DMXL2: variants seen among roughly 807,000 people sequenced by gnomAD.
The protein encoded by DMXL2 is dmX-like protein 2.
Under a neutral mutation model 331.1 loss-of-function variants are expected in DMXL2, and 103 were observed. The ratio of observed to expected loss-of-function variants is 0.31; its 90% confidence interval spans 0.27 to 0.37. The LOEUF (loss-of-function observed/expected upper bound fraction) is 0.37. Ranked by LOEUF, DMXL2 falls within the 10% of genes least tolerant of loss-of-function variation. The pLI, the probability that DMXL2 is intolerant of heterozygous loss-of-function variation, is 1.00. For missense variants in DMXL2, 3,171 were observed against 3,642.9 expected (o/e 0.87, Z 3.33); for synonymous variants, 1,281 against 1,252.1 (o/e 1.02, Z -0.49).
At chr15:51,526,565 G>C (rs1596127499) in intron 13 of DMXL2, among the ~76,000 whole-genome samples, 1 of 152,300 alleles carries the variant, frequency 6.6e-6, no homozygotes, top group South Asian at 2.1e-4. Context: ...TAAGGTACCA[G>C]AGACCAATCC....
rs1037379107 is a variant in DMXL2 at position 51,598,539 on chromosome 15, G to C, written c.88-22358C>G. ...AATTCCAGATTAAGTGTTTAGCTAT[G>C]TCTTTTTAGACTCCTTTAATCTGGA... On this transcript the variant is annotated intron_variant, in intron 1 of 43. Coordinates refer to ENST00000560891, the MANE Select transcript of DMXL2 (RefSeq NM_001378457.1). 3.3e-5 allele frequency among the ~76,000 whole-genome samples: 5 copies of C among 152,144 alleles called. No homozygotes were observed. In the East Asian group the frequency reaches 9.6e-4, roughly 29 times the overall value.
chr15:51,481,545 T>C lies in DMXL2; in HGVS notation c.5561A>G (p.Asn1854Ser). 6.2e-7 allele frequency: 1 copy of C among 1,611,026 alleles called. No individual in the cohort carries two copies. Among genetic ancestry groups the C allele is most frequent in the Non-Finnish European group, 8.5e-7 (1 of 1,179,240 alleles). The change falls in exon 24 of 44, where the codon AAT becomes AGT. Residue 1854 changes from asparagine to serine, a missense_variant. Physicochemically the swap from Asn to Ser is conservative, Grantham distance 46. Coordinates refer to ENST00000560891, the MANE Select transcript of DMXL2 (RefSeq NM_001378457.1). ...CAAAGTTCCTTCAGGGGAGGCAAGA[T>C]TTCTTCGAATGAGCAAAGGATGAGT... ...LRTHPLLIRR[N>S]LASPEGTLAT... is the part of the protein sequence containing the mutation.
chr15:51,516,947 G>A, intron 14 of DMXL2, 131 bp downstream of exon 14: 1 of 720,354 alleles, frequency 1.4e-6, no homozygotes, highest in East Asian at 2.5e-5. Context: ...TTTCACTATG[G>A]GAATCAACAT....
chr15:51,529,387 C>A (rs2047872077), intron 13 of DMXL2, among the ~76,000 whole-genome samples: 1 of 151,666 alleles, frequency 6.6e-6, no homozygotes, highest in Non-Finnish European at 1.5e-5. Context: ...AAAGAAAAGA[C>A]CCAAATAAAT....
chr15:51,518,962 A>G (rs1335594426), intron 13 of DMXL2, among the ~76,000 whole-genome samples: 1 of 152,204 alleles, frequency 6.6e-6, no homozygotes, highest in Non-Finnish European at 1.5e-5. Context: ...AGAGTGCTCA[A>G]AAATTCAATA....
chr15:51,563,275 G>T, intron 6 of DMXL2, 106 bp downstream of exon 6: 1 of 947,776 alleles, frequency 1.1e-6, no homozygotes, highest in South Asian at 1.6e-5. Context: ...TTGCCAAGGA[G>T]GATTATCCCA....
chr15:51,485,567 A>G (rs766545198), intron 23 of DMXL2, among the ~76,000 whole-genome samples: 9 of 152,226 alleles, frequency 5.9e-5, no homozygotes, highest in Non-Finnish European at 1.3e-4. Context: ...TATCTACCTC[A>G]ATTTTTAATG....
At chr15:51,571,642 C>T (rs1295596506) in intron 2 of DMXL2, among the ~76,000 whole-genome samples, 1 of 152,152 alleles carries the variant, frequency 6.6e-6, no homozygotes, top group Non-Finnish European at 1.5e-5. Context: ...CACTCAAAAC[C>T]TCACAACTAC....
chr15:51,587,348 G>A (rs2051927154), intron 1 of DMXL2, among the ~76,000 whole-genome samples: 1 of 151,768 alleles, frequency 6.6e-6, no homozygotes, highest in Admixed American at 6.6e-5. Context: ...GTCCCGGTAT[G>A]TGATGTTCTC....
chr15:51,540,989 T>C (rs1437243164), intron 9 of DMXL2, among the ~76,000 whole-genome samples: 1 of 152,172 alleles, frequency 6.6e-6, no homozygotes, highest in Non-Finnish European at 1.5e-5. Context: ...CTAATATGTA[T>C]TGAATTTAGT....
chr15:51,489,337 G>A (rs1434912984), intron 20 of DMXL2, among the ~76,000 whole-genome samples: 3 of 152,110 alleles, frequency 2.0e-5, no homozygotes, highest in Non-Finnish European at 2.9e-5. Flanking sequence ...AAAGGGAAAA[G>A]ACATCTAAAA....
chr15:51,451,780 A>G, intron 41 of DMXL2, 83 bp from the exon 42 acceptor site: 2 of 1,241,946 alleles, frequency 1.6e-6, no homozygotes. Flanking sequence ...TTTCAGTCAA[A>G]TATTTTGCTT....
chr15:51,545,612 G>T lies in DMXL2; in HGVS notation c.901C>A (p.His301Asn). ...AGAGCATGCTGTATTCTGTCTTTGT[G>T]TCTTCCAGCATGAGAAAGGCTGCTG... Reference protein sequence around the residue: ...IASSLSHAGRHKDRIQHALET... With the variant: ...IASSLSHAGRNKDRIQHALET... Residue 301 changes from histidine to asparagine, a missense_variant, in exon 8 of 44, where the codon CAC becomes AAC. His to Asn is a moderately conservative substitution (Grantham distance 68, BLOSUM62 1). Transcript: ENST00000560891. 1 of 1,613,400 alleles carries T rather than the reference G, an allele frequency of 6.2e-7. No homozygotes were observed. The highest frequency in any genetic ancestry group is 8.5e-7 in the Non-Finnish European group (1 of 1,179,624).
intron 1 of DMXL2, among the ~76,000 whole-genome samples, chr15:51,589,178 C>T (rs2052097098): frequency 6.6e-6 from 1 of 152,058 alleles, no homozygotes; most frequent in East Asian, 1.9e-4. Context: ...CCCAGAGTTA[C>T]CAGAAAGAGT....
At chr15:51,523,736 C>T (rs962602662) in intron 13 of DMXL2, among the ~76,000 whole-genome samples, 8 of 152,164 alleles carry the variant, frequency 5.3e-5, no homozygotes, top group East Asian at 1.9e-4. Context: ...AGGAAGGATC[C>T]TCCCCTTGAA....
intron 33 of DMXL2, chr15:51,460,026 G>A (rs1316629535): frequency 6.1e-6 from 6 of 980,024 alleles, no homozygotes; most frequent in South Asian, 9.4e-5. Context: ...CCCTATAGGG[G>A]TTGATTTAAA....
intron 6 of DMXL2, among the ~76,000 whole-genome samples, chr15:51,556,012 G>A (rs2049543124): frequency 1.3e-5 from 2 of 152,226 alleles, no homozygotes; most frequent in South Asian, 4.2e-4. Flanking sequence ...AAAATTATTG[G>A]CCGAATCTCA....
chr15:51,465,713 T>C (rs1325415039), intron 30 of DMXL2, 62 bp from the exon 31 acceptor site: 7 of 1,192,086 alleles, frequency 5.9e-6, no homozygotes, highest in Non-Finnish European at 7.2e-6. Flanking sequence ...AGAAACAGAG[T>C]GGTGTTCCCT....
intron 1 of DMXL2, among the ~76,000 whole-genome samples, chr15:51,621,892 A>G (rs755863719): frequency 1.3e-5 from 2 of 152,086 alleles, no homozygotes; most frequent in South Asian, 2.1e-4. Context: ...GAATTTTTCT[A>G]TCTTTTTGTT....
Sources: allele counts gnomAD v4.1 joint callset (sites outside exome capture counted in the v4.1 genomes callset), GRCh38; gene constraint gnomAD v4.1.1; transcripts MANE v1.5; gene names NCBI Gene and HGNC (gene_info 2026-07-23, HGNC 2026-07-21).